Variants in IGSF21 observed in about 807,000 individuals in gnomAD.
IGSF21 encodes immunoglobulin superfamily member 21.
Under a neutral mutation model 46.8 loss-of-function variants are expected in IGSF21, and 28 were observed. That is an observed-to-expected ratio of 0.60 (90% CI 0.44 to 0.82). The LOEUF (loss-of-function observed/expected upper bound fraction) is 0.82, where lower values mean the gene tolerates loss of function less well. IGSF21 is among the 40% of genes least tolerant of loss of function. The pLI is 0.00. For synonymous variants in IGSF21, 284 were observed against 273.6 expected, an observed-to-expected ratio of 1.04 and a Z score of -0.38; for missense variants, 624 against 665.5, an observed-to-expected ratio of 0.94 and a Z score of 0.69.
At chr1:18,321,554 G>A (rs1284226754) in intron 3 of IGSF21, among the ~76,000 whole-genome samples, 1 of 152,184 alleles carries the variant, frequency 6.6e-6, no homozygotes, top group Non-Finnish European at 1.5e-5. Flanking sequence ...GGAAGCCCAA[G>A]GTCAAGGCAG....
intron 6 of IGSF21, among the ~76,000 whole-genome samples, chr1:18,373,407 C>T (rs147874523): frequency 6.6e-6 from 1 of 152,210 alleles, no homozygotes; most frequent in African/African-American, 2.4e-5. Context: ...GGGCCAGGCT[C>T]GGAGTGTCAG....
Position 18,330,545 on chromosome 1 carries a change from CTGGAGGAAGGGG to C in IGSF21, c.306-4346_306-4335del, listed in dbSNP as rs1368182205. 3.1e-4 allele frequency among the ~76,000 whole-genome samples: 47 copies of C among 149,658 alleles called. 1 individual carries two copies. The highest frequency in any genetic ancestry group is 1.1e-3 in the African/African-American group (44 of 40,072). On this transcript the variant is annotated intron_variant, in intron 3 of 9. Coordinates refer to ENST00000251296, the MANE Select transcript of IGSF21 (RefSeq NM_032880.5). ...AGAGAAGGGAAGGTGGGAGACATGG[CTGGAGGAAGGGG>C]CAGGGGCGTGGGAGAAGGGAAGGTG... is the stretch of plus-strand genomic sequence containing the variant.
intron 4 of IGSF21, among the ~76,000 whole-genome samples, chr1:18,359,625 G>A (rs2086079062): frequency 6.6e-6 from 1 of 152,200 alleles, no homozygotes; most frequent in South Asian, 2.1e-4. Context: ...CTGGTTCTGA[G>A]CCTCTAGGAT....
intron 3 of IGSF21, among the ~76,000 whole-genome samples, chr1:18,298,880 A>C (rs1287563315): frequency 6.6e-6 from 1 of 152,208 alleles, no homozygotes; most frequent in African/African-American, 2.4e-5. Flanking sequence ...GCTCAGCTAT[A>C]TCTTCTTCAT....
intron 3 of IGSF21, among the ~76,000 whole-genome samples, chr1:18,298,160 GTCAGCTGACGT>G (rs2085328904): frequency 6.6e-6 from 1 of 152,188 alleles, no homozygotes; most frequent in East Asian, 1.9e-4. Context: ...GAATGGGGAG[GTCAGCTGACGT>G]TCACTCTCTG....
chr1:18,262,271 G>C (rs1300711282), intron 2 of IGSF21, among the ~76,000 whole-genome samples: 1 of 152,180 alleles, frequency 6.6e-6, no homozygotes, highest in Non-Finnish European at 1.5e-5. Flanking sequence ...GCTTCTGGGG[G>C]CATGAACTCT....
intron 2 of IGSF21, among the ~76,000 whole-genome samples, chr1:18,266,265 G>A (rs2084988675): frequency 1.3e-5 from 2 of 152,120 alleles, no homozygotes; most frequent in Non-Finnish European, 2.9e-5. Flanking sequence ...CTTGTTCCAG[G>A]CCACACAGCC....
At chr1:18,230,465 A>T (rs17436172) in intron 2 of IGSF21, among the ~76,000 whole-genome samples, 1 of 151,934 alleles carries the variant, frequency 6.6e-6, no homozygotes, top group South Asian at 2.1e-4. Flanking sequence ...TGGAGCAGGC[A>T]TATGCAGATG....
chr1:18,177,261 TCAGACAA>T (rs2086808330), intron 1 of IGSF21, among the ~76,000 whole-genome samples: 1 of 152,198 alleles, frequency 6.6e-6, no homozygotes, highest in South Asian at 2.1e-4. Context: ...TCTGAAGGAC[TCAGACAA>T]CAGGGCAGGT....
At chr1:18,270,511 T>G (rs953639699) in intron 2 of IGSF21, among the ~76,000 whole-genome samples, 2 of 152,232 alleles carry the variant, frequency 1.3e-5, no homozygotes, top group African/African-American at 4.8e-5. Flanking sequence ...GAGAGGGCAC[T>G]GAGCACCAAG....
At chr1:18,279,741 A>G (rs2085140090) in intron 2 of IGSF21, among the ~76,000 whole-genome samples, 1 of 152,242 alleles carries the variant, frequency 6.6e-6, no homozygotes, top group Non-Finnish European at 1.5e-5. Flanking sequence ...GACAGGCTTC[A>G]CTGGGCTGGG....
At chr1:18,368,526 A>T (rs2124635259) in intron 6 of IGSF21, among the ~76,000 whole-genome samples, 2 of 137,628 alleles carry the variant, frequency 1.5e-5, no homozygotes, top group South Asian at 4.8e-4. Context: ...GAAAAAAAAA[A>T]AGTTGGGGGG....
rs1469521947 is a variant in IGSF21, at chr1:18,259,515, G to A, written c.183+31505G>A. Among the ~76,000 whole-genome samples the A allele has an allele frequency of 3.9e-5, 6 of 152,314 alleles. No homozygotes were observed. The East Asian group carries it at 1.2e-3, about 29-fold the overall frequency. ...GGCCTCCATAAAGTTCCTGTTGGAA[G>A]GAAGTCCCCCTACAAATGCCTTTCC... On this transcript the variant is annotated intron_variant, in intron 2 of 9. Transcript: ENST00000251296.
At chr1:18,251,423 C>G (rs1307045225) in intron 2 of IGSF21, among the ~76,000 whole-genome samples, 2 of 152,160 alleles carry the variant, frequency 1.3e-5, no homozygotes, top group African/African-American at 2.4e-5. Context: ...GGATATGAGT[C>G]TGGCAAATCT....
chr1:18,333,058 A>G (rs2085730808), intron 3 of IGSF21, among the ~76,000 whole-genome samples: 1 of 152,180 alleles, frequency 6.6e-6, no homozygotes, highest in African/African-American at 2.4e-5. Context: ...AAGGGAGGAT[A>G]AGAACTGGAT....
chr1:18,196,079 A>G (rs374878357), intron 1 of IGSF21, among the ~76,000 whole-genome samples: 34 of 152,166 alleles, frequency 2.2e-4, no homozygotes, highest in Non-Finnish European at 4.6e-4. Flanking sequence ...AGAGGTCCAC[A>G]TGAAGAGGCT....
At chr1:18,199,794 A>G (rs1483304792) in intron 1 of IGSF21, among the ~76,000 whole-genome samples, 2 of 152,078 alleles carry the variant, frequency 1.3e-5, no homozygotes, top group Non-Finnish European at 2.9e-5. Context: ...ACACATGTTA[A>G]CAAATGGGCA....
rs2085065961 is a variant in IGSF21, at chr1:18,273,442, C to CCTT, written c.184-18424_184-18423insCTT. 6.3e-5 allele frequency among the ~76,000 whole-genome samples: 6 copies of CCTT among 94,570 alleles called. 1 individual carries two copies. Among genetic ancestry groups the CCTT allele is most frequent in the Admixed American group, 3.1e-4 (2 of 6,496 alleles). The allele number at this position is 94,570 out of a possible 152,430, so 62.0% of individuals were successfully genotyped here. The stretch of plus-strand genomic sequence containing the variant: ...TTCCTTTCCTTTCCTTTCTTTCTTT[C>CCTT]TCACTTTCTTTCTTTCTCTCTCTTT... On this transcript the variant is annotated intron_variant, in intron 2 of 9. Transcript: ENST00000251296.
chr1:18,270,858 G>C (rs2085036110), intron 2 of IGSF21, among the ~76,000 whole-genome samples: 1 of 151,972 alleles, frequency 6.6e-6, no homozygotes. Flanking sequence ...AGCCGCATGT[G>C]CGATTTGACA....
Sources: gnomAD v4.1 joint callset for allele counts (sites outside exome capture counted in the v4.1 genomes callset) on GRCh38, gnomAD v4.1.1 for gene constraint, MANE v1.5 for transcripts, NCBI Gene and HGNC (gene_info 2026-07-23, HGNC 2026-07-21) for gene names.